The following KNTC1 variants were observed in gnomAD, a reference collection of about 807,000 sequenced individuals.
The protein encoded by KNTC1 is kinetochore associated 1.
Under a neutral mutation model 314.4 loss-of-function variants are expected in KNTC1, and 253 were observed. The ratio of observed to expected loss-of-function variants is 0.80; its 90% CI spans 0.73 to 0.89. The LOEUF is 0.89. Among genes scored for constraint, KNTC1 ranks in the 40% least tolerant of loss-of-function variants. KNTC1 has a pLI of 0.00. For synonymous variants in KNTC1, 901 were observed against 901.4 expected (o/e 1.00, Z 0.01); for missense variants, 2,475 against 2,572.9 (o/e 0.96, Z 0.82).
intron 18 of KNTC1, among the ~76,000 whole-genome samples, chr12:122,558,502 A>T (rs925518989): frequency 1.3e-5 from 2 of 152,104 alleles, no homozygotes; most frequent in African/African-American, 4.8e-5. Context: ...CAGTGAGCTG[A>T]GATCACGCCA....
rs749384779 is a variant in KNTC1 at position 122,584,331 on chromosome 12, C to A, written c.3317C>A (p.Thr1106Lys). 1.2e-6 allele frequency: 2 copies of A among 1,613,502 alleles called. No individual in the cohort carries two copies. The highest frequency in any genetic ancestry group is 2.2e-5 in the South Asian group (2 of 91,040). The change falls in exon 35 of 64, where the codon ACA becomes AAA. Residue 1106 changes from threonine to lysine, a missense_variant. Transcript: ENST00000333479. ...NADTGKLLFL[T>K]CQKLCQMLAD... ...GACACTGGGAAATTGCTATTTCTGACATGTCAGAAGCTTTGTCAGATGTTG... is the reference window on the plus strand; with the variant it reads ...GACACTGGGAAATTGCTATTTCTGAAATGTCAGAAGCTTTGTCAGATGTTG...
chr12:122,595,941 G>A (rs563324059), intron 43 of KNTC1, among the ~76,000 whole-genome samples: 1 of 152,312 alleles, frequency 6.6e-6, no homozygotes, highest in African/African-American at 2.4e-5. Flanking sequence ...GAATATCAGA[G>A]AGTGACTTGA....
At chr12:122,585,032 G>A (rs527663346) in intron 36 of KNTC1, 42 bp downstream of exon 36, 12 of 1,140,114 alleles carry the variant, frequency 1.1e-5, no homozygotes, top group African/African-American at 1.6e-5. Flanking sequence ...CCTGGGCAAC[G>A]CATTATGCAC....
intron 34 of KNTC1, among the ~76,000 whole-genome samples, chr12:122,583,718 CG>C (rs1415012811): frequency 6.6e-6 from 1 of 151,920 alleles, no homozygotes; most frequent in Non-Finnish European, 1.5e-5. Flanking sequence ...CCCACCTACT[CG>C]GGAGGCTGAG....
intron 18 of KNTC1, among the ~76,000 whole-genome samples, chr12:122,559,642 G>A (rs1221556708): frequency 2.0e-5 from 3 of 151,546 alleles, no homozygotes; most frequent in Non-Finnish European, 2.9e-5. Flanking sequence ...GTGTGATCTC[G>A]GCTCACTGCA....
In KNTC1 at chr12:122,556,566, C is replaced by G. The variant is rs186340779; in HGVS notation, c.1273-818C>G. On this transcript the variant is annotated intron_variant, in intron 16 of 63. Transcript: ENST00000333479. ...TCTGCTCACTGCAAGCTCCGCCTCC[C>G]GGGTTCAAGGATTCTCCTGCCTCAG... 4.0e-5 allele frequency among the ~76,000 whole-genome samples: 6 copies of G among 151,290 alleles called. No individual in the cohort carries two copies. The East Asian group carries it at 1.2e-3, about 29-fold the overall frequency.
intron 18 of KNTC1, among the ~76,000 whole-genome samples, chr12:122,560,829 T>C (rs1398830911): frequency 6.6e-6 from 1 of 152,140 alleles, no homozygotes; most frequent in Non-Finnish European, 1.5e-5. Flanking sequence ...CAGGCTGGAG[T>C]GCAGTTGTAA....
At position 122,626,387 on chromosome 12, in the gene KNTC1, C is replaced by G; in HGVS notation, c.*159C>G. On this transcript the variant is annotated 3_prime_UTR_variant, in exon 64 of 64. Coordinates refer to ENST00000333479, the MANE Select transcript of KNTC1 (RefSeq NM_014708.6). ...ATAAAACAATATGAGCATAATTGCC[C>G]CATAAAGAACTCATGTCCTGAATTA... 5.2e-6 allele frequency: 3 copies of G among 577,482 alleles called. No individual in the cohort carries two copies. In the South Asian group the frequency reaches 6.9e-5, roughly 13 times the overall value. 35.8% of individuals were successfully genotyped at this position (577,482 alleles called of 1,614,324 possible). A position where few individuals can be genotyped will look rare whatever the true frequency, so the allele number is the denominator to read the frequency against.
Position 122,544,284 on chromosome 12 carries a change from A to T in KNTC1, c.669+15A>T. ...TGATAATTGGGGTAATTGTTTTTAT[A>T]AAGTTTTGTTTTTTGTTGCCTAAAG... On this transcript the variant is annotated intron_variant, in intron 8 of 63. Transcript: ENST00000333479. The T allele has an allele frequency of 7.1e-7, 1 of 1,400,322 alleles. No homozygotes were observed. Among genetic ancestry groups the T allele is most frequent in the Non-Finnish European group, 9.8e-7 (1 of 1,022,774 alleles). 86.7% of individuals were successfully genotyped at this position (1,400,322 alleles called of 1,614,324 possible).
intron 40 of KNTC1, among the ~76,000 whole-genome samples, chr12:122,589,776 ATTTTT>A (rs375169727): frequency 1.1e-5 from 1 of 94,594 alleles, no homozygotes. Context: ...GGGCCCCCCA[ATTTTT>A]TTTTTTTTTT....
At chr12:122,618,952 T>C (rs1874097276) in intron 59 of KNTC1, among the ~76,000 whole-genome samples, 1 of 151,192 alleles carries the variant, frequency 6.6e-6, no homozygotes, top group Admixed American at 6.6e-5. Context: ...CCGGCTATTA[T>C]TTGTAATTTT....
At chr12:122,585,822 A>G (rs903291369) in intron 37 of KNTC1, 48 bp downstream of exon 37, 12 of 1,582,348 alleles carry the variant, frequency 7.6e-6, no homozygotes, top group Non-Finnish European at 1.0e-5. Context: ...TGTCTTATGT[A>G]AATTTAAACT....
intron 37 of KNTC1, among the ~76,000 whole-genome samples, chr12:122,586,361 C>T (rs1203908107): frequency 6.6e-6 from 1 of 152,142 alleles, no homozygotes; most frequent in Non-Finnish European, 1.5e-5. Flanking sequence ...GGATTACAGG[C>T]GTGAGCCACC....
chr12:122,538,373 A>T lies in KNTC1; in HGVS notation c.285A>T (p.Glu95Asp). Reference sequence around the variant, plus strand: ...TGGATGTAGTTGGCCTTTGTCAAGAAGGAAAGTTTCTTTTGGTTGGCGAGA... The same window carrying T: ...TGGATGTAGTTGGCCTTTGTCAAGATGGAAAGTTTCTTTTGGTTGGCGAGA... ...TEVDVVGLCQ[E>D]GKFLLVGERS... Residue 95 changes from glutamate to aspartate, a missense_variant, in exon 4 of 64, where the codon GAA (glutamate) becomes GAT (aspartate). Coordinates refer to ENST00000333479, the MANE Select transcript of KNTC1 (RefSeq NM_014708.6). 1.2e-6 allele frequency: 2 copies of T among 1,604,886 alleles called. No homozygotes were observed. The highest frequency in any genetic ancestry group is 1.7e-6 in the Non-Finnish European group (2 of 1,175,334).
At chr12:122,547,770 T>TA in intron 11 of KNTC1, 145 bp from the exon 12 acceptor site, 1 of 612,012 alleles carries the variant, frequency 1.6e-6, no homozygotes, top group East Asian at 2.8e-5. Context: ...CAGTGTCTAT[T>TA]ACATTTTATT....
intron 54 of KNTC1, 77 bp from the exon 55 acceptor site, chr12:122,613,549 T>A (rs1173153232): frequency 7.3e-7 from 1 of 1,373,826 alleles, no homozygotes; most frequent in East Asian, 2.5e-5. Context: ...TGGCCTAATA[T>A]TTCCATATGG....
chr12:122,618,263 C>A, intron 57 of KNTC1, 80 bp from the exon 58 acceptor site: 2 of 1,256,260 alleles, frequency 1.6e-6, no homozygotes, highest in South Asian at 1.3e-5. Flanking sequence ...TGAGCCACCG[C>A]GCCTGGCCTA....
chr12:122,569,469 A>G (rs773938538), intron 21 of KNTC1, among the ~76,000 whole-genome samples: 2 of 152,202 alleles, frequency 1.3e-5, no homozygotes, highest in African/African-American at 2.4e-5. Context: ...CTTCTGCTAC[A>G]TGATAAACTA....
chr12:122,604,192 T>A (rs546307718), intron 48 of KNTC1, among the ~76,000 whole-genome samples: 1,925 of 130,506 alleles, frequency 0.015, 40 homozygotes, highest in African/African-American at 0.058. Context: ...TTTTTTTTTT[T>A]AACAGAGTCT....
Sources: allele counts gnomAD v4.1 joint callset (sites outside exome capture counted in the v4.1 genomes callset), GRCh38; gene constraint gnomAD v4.1.1; transcripts MANE v1.5; gene names NCBI Gene and HGNC (gene_info 2026-07-23, HGNC 2026-07-21).